Variants in PKHD1 observed in about 807,000 individuals in gnomAD.
The protein encoded by PKHD1 is fibrocystin.
In PKHD1, 291 loss-of-function variants were observed where a neutral mutation model predicts 412.0. That is an observed-to-expected ratio of 0.71 (90% confidence interval 0.64 to 0.78). The LOEUF (loss-of-function observed/expected upper bound fraction) is 0.78, where lower values mean the gene tolerates loss of function less well. Among genes scored for constraint, PKHD1 ranks in the 30% least tolerant of loss-of-function variants. The probability of loss-of-function intolerance (pLI) is 0.00; values close to 1 mark genes in which losing one functional copy is unlikely to be tolerated. For missense variants in PKHD1, 4,825 were observed against 4,950.7 expected (o/e 0.97, Z 0.76); for synonymous variants, 1,777 against 1,821.5 (o/e 0.98, Z 0.62).
chr6:51,960,035 CAG>C lies in PKHD1; in HGVS notation c.5752-11_5752-10del. The C allele has an allele frequency of 1.9e-6, 3 of 1,613,092 alleles. No homozygotes were observed. The highest frequency in any genetic ancestry group is 2.5e-6 in the Non-Finnish European group (3 of 1,179,372). ...TGTAAAGAAAAGTTGCCCTGGAAAACAGAGAGCTGGGTTGGTGGGTTGGTTGG... is the reference window on the plus strand; with the variant it reads ...TGTAAAGAAAAGTTGCCCTGGAAAACAGAGCTGGGTTGGTGGGTTGGTTGG... On this transcript the variant is annotated splice_polypyrimidine_tract_variant and intron_variant, in intron 35 of 66. Transcript: ENST00000371117.
intron 9 of PKHD1, 134 bp downstream of exon 9, chr6:52,070,872 C>A: frequency 1.4e-6 from 1 of 701,102 alleles, no homozygotes; most frequent in Non-Finnish European, 2.6e-6. Context: ...TAGTATTTTC[C>A]AGGGAATTCT....
intron 60 of PKHD1, among the ~76,000 whole-genome samples, chr6:51,703,208 G>A (rs1029196640): frequency 1.6e-4 from 24 of 152,060 alleles, no homozygotes; most frequent in South Asian, 1.5e-3. Flanking sequence ...TAATAAAAAC[G>A]CTGGGCCTTC....
At chr6:51,725,675 G>A (rs956377643) in intron 60 of PKHD1, among the ~76,000 whole-genome samples, 13 of 152,250 alleles carry the variant, frequency 8.5e-5, no homozygotes, top group Non-Finnish European at 1.2e-4. Flanking sequence ...TCTAGCTCAC[G>A]TTTCATTTCA....
At chr6:51,827,692 T>C (rs898093745) in intron 52 of PKHD1, among the ~76,000 whole-genome samples, 2 of 152,176 alleles carry the variant, frequency 1.3e-5, no homozygotes, top group African/African-American at 4.8e-5. Flanking sequence ...ATTTGTTGTA[T>C]TATTGTGCAT....
chr6:51,880,976 AAAAG>A (rs1777229348), intron 46 of PKHD1, among the ~76,000 whole-genome samples: 1 of 150,972 alleles, frequency 6.6e-6, no homozygotes, highest in South Asian at 2.1e-4. Context: ...AAAAAAAAAA[AAAAG>A]AAAGTGTTAA....
At chr6:51,949,202 C>T (rs1583520139) in intron 36 of PKHD1, among the ~76,000 whole-genome samples, 1 of 152,150 alleles carries the variant, frequency 6.6e-6, no homozygotes, top group Non-Finnish European at 1.5e-5. Context: ...GATTAACCCC[C>T]AATTCACCAT....
chr6:51,796,373 G>C (rs1794597471), intron 52 of PKHD1, among the ~76,000 whole-genome samples: 1 of 150,626 alleles, frequency 6.6e-6, no homozygotes. Flanking sequence ...GTTTCTGATT[G>C]TGTTTATTTC....
Position 51,851,371 on chromosome 6 carries a change from G to A in PKHD1, c.7912-3401C>T, listed in dbSNP as rs185743588. ...GCCTGAAATTTTCTTTTTTCATTGT[G>A]TCTCTTCCCAGTTTTGGTATCAGAA... is the stretch of plus-strand genomic sequence containing the variant. On this transcript the variant is annotated intron_variant, in intron 49 of 66. Transcript: ENST00000371117. 2.6e-4 allele frequency among the ~76,000 whole-genome samples: 39 copies of A among 152,212 alleles called. 1 individual carries two copies. Among genetic ancestry groups the A allele is most frequent in the African/African-American group, 9.4e-4 (39 of 41,522 alleles).
chr6:51,616,497 CT>C lies in PKHD1; in HGVS notation c.*2583del, dbSNP rs1766076832. The stretch of plus-strand genomic sequence containing the variant: ...ACATGAATGAACATAGAGCTGCTCT[CT>C]TTGCTTTTGGTGTTTCCCTAATTCT... On this transcript the variant is annotated 3_prime_UTR_variant, in exon 67 of 67. Transcript: ENST00000371117. 1 of 391,194 alleles carries C rather than the reference CT, an allele frequency of 2.6e-6. No individual in the cohort carries two copies. The highest frequency in any genetic ancestry group is 4.5e-6 in the Non-Finnish European group (1 of 222,362). The allele number at this position is 391,194 out of a possible 1,614,324, so 24.2% of individuals were successfully genotyped here.
rs546831165 is a variant in PKHD1, at chr6:51,899,650, T to A, written c.6996+3947A>T. ...CTCACCACTCCTATTCAACATAGTGTTGGAAGTTCTGGCCAGGGCAATTAG... is the reference window on the plus strand; with the variant it reads ...CTCACCACTCCTATTCAACATAGTGATGGAAGTTCTGGCCAGGGCAATTAG... On this transcript the variant is annotated intron_variant, in intron 43 of 66. Transcript: ENST00000371117. Among the ~76,000 whole-genome samples, 16 of 151,622 alleles carry A rather than the reference T, an allele frequency of 1.1e-4. 1 individual carries two copies. The East Asian group carries it at 2.9e-3, about 28-fold the overall frequency.
intron 52 of PKHD1, among the ~76,000 whole-genome samples, chr6:51,794,191 C>T (rs185363058): frequency 2.7e-4 from 41 of 151,966 alleles, no homozygotes; most frequent in South Asian, 8.3e-4. Flanking sequence ...TGTCCGCCAC[C>T]GCGCCTTTTT....
intron 5 of PKHD1, among the ~76,000 whole-genome samples, chr6:52,079,456 G>A (rs1811744700): frequency 6.6e-6 from 1 of 152,140 alleles, no homozygotes. Flanking sequence ...CTGAGACTCA[G>A]CATGATCTGA....
Position 52,024,752 on chromosome 6 carries a change from A to G in PKHD1, c.5058T>C (p.Phe1686=). The G allele has an allele frequency of 6.2e-7, 1 of 1,614,160 alleles. No homozygotes were observed. Among genetic ancestry groups the G allele is most frequent in the South Asian group, 1.1e-5 (1 of 91,074 alleles). The stretch of plus-strand genomic sequence containing the variant: ...CACCCACACAGGGTGACATTCCTAT[A>G]AAAATGTCAATGTTTGCAGCTCCTG... ...QISGAANIDI[F]IGMSPCVGVS... Residue 1686 remains phenylalanine (F), a synonymous_variant, in exon 32 of 67, where the codon TTT becomes TTC. Transcript: ENST00000371117.
At chr6:52,018,528 T>C (rs9474131) in intron 33 of PKHD1, among the ~76,000 whole-genome samples, 379 of 152,278 alleles carry the variant, frequency 2.5e-3, no homozygotes, top group African/African-American at 8.5e-3. Context: ...TTATTATTAT[T>C]ATTATTTTTT....
chr6:52,056,920 C>T lies in PKHD1; in HGVS notation c.1572G>A (p.Gln524=). The T allele has an allele frequency of 6.2e-7, 1 of 1,613,872 alleles. No individual in the cohort carries two copies. The highest frequency in any genetic ancestry group is 8.5e-7 in the Non-Finnish European group (1 of 1,179,806). ...FFLTWDNVSS[Q]PIPANATAHL... is the part of the protein sequence containing the mutation. ...GGGCTGTGGCATTTGCAGGGATTGG[C>T]TGACTAGAGACATTGTCCCAAGTAA... Residue 524 remains glutamine (Q), a synonymous_variant, in exon 17 of 67, where the codon CAG becomes CAA. Coordinates refer to ENST00000371117, the MANE Select transcript of PKHD1 (RefSeq NM_138694.4).
chr6:51,757,371 G>T (rs926507742), intron 55 of PKHD1, among the ~76,000 whole-genome samples: 3 of 152,026 alleles, frequency 2.0e-5, no homozygotes, highest in African/African-American at 7.2e-5. Context: ...GTTTAACATT[G>T]AGTGAACACT....
At chr6:51,915,185 T>C (rs1429113004) in intron 37 of PKHD1, among the ~76,000 whole-genome samples, 1 of 152,044 alleles carries the variant, frequency 6.6e-6, no homozygotes, top group Non-Finnish European at 1.5e-5. Context: ...CCTGAGGGAA[T>C]AATTTGGAGG....
In PKHD1 at chr6:51,748,335, T is replaced by C; in HGVS notation, c.9281A>G (p.Asn3094Ser). 1 of 1,614,100 alleles carries C rather than the reference T, an allele frequency of 6.2e-7. No individual in the cohort carries two copies. The highest frequency in any genetic ancestry group is 8.5e-7 in the Non-Finnish European group (1 of 1,179,978). The part of the protein sequence containing the change: ...NQVKDINLHG[N>S]VVAGSERLGF... ...AAGTCTCTCTGATCCTGCCACAACGTTGCCATGGAGGTTGATGTCCTTTAC... is the reference window on the plus strand; with the variant it reads ...AAGTCTCTCTGATCCTGCCACAACGCTGCCATGGAGGTTGATGTCCTTTAC... The change falls in exon 58 of 67, where the codon AAC becomes AGC. Residue 3094 changes from asparagine to serine, a missense_variant. Asn to Ser is a conservative substitution (Grantham distance 46). Transcript: ENST00000371117.
intron 14 of PKHD1, among the ~76,000 whole-genome samples, chr6:52,060,895 A>G (rs996619446): frequency 1.2e-4 from 19 of 152,316 alleles, no homozygotes; most frequent in African/African-American, 4.6e-4. Context: ...TTTTTAATTT[A>G]AAATTTTTAG....
Sources: gnomAD v4.1 joint callset for allele counts (sites outside exome capture counted in the v4.1 genomes callset) on GRCh38, gnomAD v4.1.1 for gene constraint, MANE v1.5 for transcripts, NCBI Gene and HGNC (gene_info 2026-07-23, HGNC 2026-07-21) for gene names.